Variants in IRX2 observed in about 807,000 individuals in gnomAD.
IRX2 encodes the protein iroquois homeobox 2, also known as iroquois-class homeodomain protein IRX-2.
A neutral mutation model predicts 42.9 loss-of-function variants in IRX2; 26 were observed. The observed-to-expected ratio is 0.61, with a 90% CI of 0.44 to 0.84. The LOEUF (loss-of-function observed/expected upper bound fraction) is 0.84. Ranked by LOEUF, IRX2 falls within the 40% of genes least tolerant of loss-of-function variation. The pLI, the probability that IRX2 is intolerant of heterozygous loss-of-function variation, is 0.00. For missense variants in IRX2, 782 were observed against 713.9 expected, an observed-to-expected ratio of 1.10 and a Z score of -1.09; for synonymous variants, 424 against 353.9, an observed-to-expected ratio of 1.20 and a Z score of -2.22.
chr5:2,739,727 G>A, the IRX2 span, among the ~76,000 whole-genome samples: 1 of 152,200 alleles, frequency 6.6e-6, no homozygotes, highest in Non-Finnish European at 1.5e-5. Flanking sequence ...TGCGCGCGCG[G>A]TTCCCAGAGT....
chr5:2,749,138 G>GCCCTCCCCACGGGAC, intron 2 of IRX2, 86 bp from the exon 3 acceptor site: 1 of 1,527,236 alleles, frequency 6.5e-7, no homozygotes, highest in Non-Finnish European at 8.7e-7. Flanking sequence ...GCGGCACTGG[G>GCCCTCCCCACGGGAC]CCCTCCCCAC....
In IRX2 at chr5:2,751,434, C is replaced by A. The variant is rs779442320; in HGVS notation, c.-21G>T. On this transcript the variant is annotated 5_prime_UTR_variant, in exon 1 of 4. Coordinates refer to ENST00000302057, the MANE Select transcript of IRX2 (RefSeq NM_033267.5). The surrounding 1 kb of genome is among the most constrained non-coding windows in gnomAD (Gnocchi z 4.0). Reference sequence around the variant, plus strand: ...GACATGGTGGGCGCGGGGCGCGGGGCCCGCGTCACGCCGAGCAGCGGGCAG... The same window carrying A: ...GACATGGTGGGCGCGGGGCGCGGGGACCGCGTCACGCCGAGCAGCGGGCAG... 1 of 1,254,512 alleles carries A rather than the reference C, an allele frequency of 8.0e-7. No homozygotes were observed. The highest frequency in any genetic ancestry group is 1.0e-6 in the Non-Finnish European group (1 of 999,072). The allele number at this position is 1,254,512 out of a possible 1,614,324, so 77.7% of individuals were successfully genotyped here. A position where few individuals can be genotyped will look rare whatever the true frequency, so the allele number is the denominator to read the frequency against.
chr5:2,742,618 TATTTTA>T (rs895736410), downstream of IRX2, among the ~76,000 whole-genome samples: 2 of 152,224 alleles, frequency 1.3e-5, no homozygotes, highest in Admixed American at 1.3e-4. Flanking sequence ...TATCTATTTA[TATTTTA>T]ATTTTGAGTC....
the IRX2 span, among the ~76,000 whole-genome samples, chr5:2,738,534 CTT>C: frequency 6.6e-6 from 1 of 152,070 alleles, no homozygotes; most frequent in East Asian, 1.9e-4. Flanking sequence ...CCGGCCGCCT[CTT>C]TGGTCCCCTG....
chr5:2,749,635 G>C lies in IRX2; in HGVS notation c.402C>G (p.Asn134Lys), dbSNP rs771720742. The change falls in exon 2 of 4, where the codon AAC (asparagine) becomes AAG (lysine). Residue 134 changes from asparagine (N) to lysine (K), a missense_variant. Coordinates refer to ENST00000302057, the MANE Select transcript of IRX2 (RefSeq NM_033267.5). ...DATATLKAWL[N>K]EHRKNPYPTK... ...TGGGGTAGGGGTTCTTGCGGTGCTC[G>C]TTGAGCCAGGCCTTGAGAGTGGCCG... 1.2e-6 allele frequency: 2 copies of C among 1,614,226 alleles called. No individual in the cohort carries two copies. Among genetic ancestry groups the C allele is most frequent in the Admixed American group, 1.7e-5 (1 of 60,032 alleles).
intron 1 of IRX2, among the ~76,000 whole-genome samples, chr5:2,750,671 C>G (rs1001774135): frequency 6.6e-6 from 1 of 152,256 alleles, no homozygotes; most frequent in Non-Finnish European, 1.5e-5. Flanking sequence ...GCTGAATGCT[C>G]GGCTCCTGGG....
At chr5:2,742,936 T>C (rs2111436673), downstream of IRX2, among the ~76,000 whole-genome samples, 1 of 152,356 alleles carries the variant, frequency 6.6e-6, no homozygotes, top group African/African-American at 2.4e-5. Context: ...TTAAATGCAA[T>C]TGTAAATGAT....
In IRX2 at chr5:2,748,741, G is replaced by T; in HGVS notation, c.967C>A (p.Pro323Thr). The change falls in exon 3 of 4, where the codon CCC (proline) becomes ACC (threonine). Residue 323 changes from proline (P) to threonine (T), a missense_variant. Transcript: ENST00000302057. ...GSRTSPGAPPPASKPKLWSLA... is the reference protein window; with the variant it reads ...GSRTSPGAPPTASKPKLWSLA... ...GACCACAGCTTGGGCTTGCTGGCGG[G>T]GGGCGGCGCGCCCGGAGACGTCCGG... is the stretch of plus-strand genomic sequence containing the variant. The T allele has an allele frequency of 7.3e-7, 1 of 1,365,748 alleles. No individual in the cohort carries two copies. The highest frequency in any genetic ancestry group is 2.6e-4 in the Middle Eastern group (1 of 3,886). The allele number at this position is 1,365,748 out of a possible 1,614,324, so 84.6% of individuals were successfully genotyped here. A position where few individuals can be genotyped will look rare whatever the true frequency, so the allele number is the denominator to read the frequency against.
chr5:2,749,324 T>C, intron 2 of IRX2, 58 bp downstream of exon 2: 1 of 1,537,922 alleles, frequency 6.5e-7, no homozygotes, highest in South Asian at 1.3e-5. Context: ...GCCTTAGCTC[T>C]GCGCCCCGCC....
At chr5:2,741,443 G>T (rs748843678), downstream of IRX2, among the ~76,000 whole-genome samples, 1 of 152,104 alleles carries the variant, frequency 6.6e-6, no homozygotes, top group Admixed American at 6.5e-5. Context: ...TTCTGAGAAC[G>T]ACTGGGTGAA....
chr5:2,748,307 C>T (rs1737755818), intron 3 of IRX2, 38 bp downstream of exon 3: 4 of 1,374,324 alleles, frequency 2.9e-6, no homozygotes, highest in Non-Finnish European at 3.7e-6. Context: ...GCTGGCTCTC[C>T]CTCCCCTCCC....
intron 1 of IRX2, among the ~76,000 whole-genome samples, chr5:2,750,266 G>A (rs548612685): frequency 2.0e-5 from 3 of 152,304 alleles, no homozygotes; most frequent in African/African-American, 7.2e-5. Context: ...CAACTCAGAA[G>A]CCAGTCACCG....
Position 2,749,674 on chromosome 5 carries a change from G to A in IRX2, c.363C>T (p.Ala121=). The A allele has an allele frequency of 6.2e-7, 1 of 1,614,224 alleles. No individual in the cohort carries two copies. The highest frequency in any genetic ancestry group is 8.5e-7 in the Non-Finnish European group (1 of 1,180,038). ...QLNDPAYRKN[A]TRDATATLKA... ...TGAGAGTGGCCGTGGCGTCCCGCGT[G>A]GCGTTCTTGCGGTACGCGGGGTCGT... is the stretch of plus-strand genomic sequence containing the variant. The change falls in exon 2 of 4, where the codon GCC becomes GCT. Residue 121 remains alanine, a synonymous_variant. Transcript: ENST00000302057.
rs1029729874 is a variant in IRX2, at chr5:2,751,483, G to T, written c.-70C>A. 120 of 978,942 alleles carry T rather than the reference G, an allele frequency of 1.2e-4. 1 individual carries two copies. Among genetic ancestry groups the T allele is most frequent in the Non-Finnish European group, 1.2e-4 (96 of 821,848 alleles). 60.6% of individuals were successfully genotyped at this position (978,942 alleles called of 1,614,324 possible). A position where few individuals can be genotyped will look rare whatever the true frequency, so the allele number is the denominator to read the frequency against. On this transcript the variant is annotated 5_prime_UTR_variant, in exon 1 of 4. Transcript: ENST00000302057. The surrounding 1 kb of genome is among the most constrained non-coding windows in gnomAD (Gnocchi z 4.0). The stretch of plus-strand genomic sequence containing the variant: ...AGGGCGCGCGGCGCCCTCCATCCAC[G>T]CCCGGCCGGGGCGCGGCGCGGCGGC...
rs1447156296 is a variant in IRX2, at chr5:2,746,860, G to C, written c.*704C>G. 2 of 148,498 alleles carry C rather than the reference G, an allele frequency of 1.3e-5. No homozygotes were observed. The highest frequency in any genetic ancestry group is 5.0e-5 in the African/African-American group (2 of 40,272). 9.2% of individuals were successfully genotyped at this position (148,498 alleles called of 1,614,324 possible). A position where few individuals can be genotyped will look rare whatever the true frequency, so the allele number is the denominator to read the frequency against. On this transcript the variant is annotated 3_prime_UTR_variant, in exon 4 of 4. Transcript: ENST00000302057. ...AACAACACCATTATAAAAACGAGTTGATCTGAAGTGGTTCCAAATCTTTCT... is the reference window on the plus strand; with the variant it reads ...AACAACACCATTATAAAAACGAGTTCATCTGAAGTGGTTCCAAATCTTTCT...
chr5:2,747,709 A>T, intron 3 of IRX2, 93 bp from the exon 4 acceptor site: 1 of 1,301,660 alleles, frequency 7.7e-7, no homozygotes, highest in Non-Finnish European at 1.1e-6. Context: ...CTCCCAGGCA[A>T]ACAGCAGTTT....
At chr5:2,747,815 C>G (rs1283650514) in intron 3 of IRX2, among the ~76,000 whole-genome samples, 199 bp from the exon 4 acceptor site, 3 of 152,236 alleles carry the variant, frequency 2.0e-5, no homozygotes, top group Non-Finnish European at 4.4e-5. Context: ...TTTCGGGTAG[C>G]CTGACTTAGG....
chr5:2,740,677 G>A, the IRX2 span, among the ~76,000 whole-genome samples: 1 of 152,080 alleles, frequency 6.6e-6, no homozygotes, highest in South Asian at 2.1e-4. Context: ...ACTCCCCAGG[G>A]AGCACGCGCC....
intron 3 of IRX2, 85 bp from the exon 4 acceptor site, chr5:2,747,701 C>T (rs1737724423): frequency 3.0e-6 from 4 of 1,341,796 alleles, no homozygotes; most frequent in Admixed American, 1.7e-5. Context: ...ATCCTCCACT[C>T]CCAGGCAAAC....
Sources: allele counts gnomAD v4.1 joint callset (sites outside exome capture counted in the v4.1 genomes callset), GRCh38; gene constraint gnomAD v4.1.1; non-coding constraint Gnocchi (gnomAD v3.1); transcripts MANE v1.5; gene names NCBI Gene and HGNC (gene_info 2026-07-23, HGNC 2026-07-21).